RILPL2: variants seen among roughly 807,000 people sequenced by gnomAD.
RILPL2 encodes RILP-like protein 2.
RILPL2 carries 19 observed loss-of-function variants against 22.2 expected under a neutral mutation model. That is an observed-to-expected ratio of 0.86 (90% CI 0.60 to 1.25). The LOEUF (loss-of-function observed/expected upper bound fraction) is 1.25, where lower values mean the gene tolerates loss of function less well. Ranked by LOEUF, RILPL2 falls within the 50% of genes most tolerant of loss-of-function variation. The pLI, the probability that RILPL2 is intolerant of heterozygous loss-of-function variation, is 0.00. For missense variants in RILPL2, 243 were observed against 263.6 expected (o/e 0.92, Z 0.54); for synonymous variants, 123 against 111.6 (o/e 1.10, Z -0.64).
Position 123,415,672 on chromosome 12 carries a change from C to A in RILPL2, c.*219G>T. Reference sequence around the variant, plus strand: ...CCCTTCTGTTTTTCTTGATTTCAGTCTCACTGGCCCAGGCCAAATCTTCAA... The same window carrying A: ...CCCTTCTGTTTTTCTTGATTTCAGTATCACTGGCCCAGGCCAAATCTTCAA... On this transcript the variant is annotated 3_prime_UTR_variant, in exon 4 of 4. Transcript: ENST00000280571. 3.0e-6 allele frequency: 2 copies of A among 656,510 alleles called. No individual in the cohort carries two copies. Among genetic ancestry groups the A allele is most frequent in the Admixed American group, 2.5e-5 (1 of 39,970 alleles). 40.7% of individuals were successfully genotyped at this position (656,510 alleles called of 1,614,324 possible).
chr12:123,425,568 T>A (rs1879422024), intron 2 of RILPL2, among the ~76,000 whole-genome samples: 2 of 152,148 alleles, frequency 1.3e-5, no homozygotes, highest in Admixed American at 1.3e-4. Flanking sequence ...GATACCTCTT[T>A]CAGTGTGAGT....
chr12:123,420,897 C>G (rs1879264587), intron 3 of RILPL2, among the ~76,000 whole-genome samples: 1 of 152,186 alleles, frequency 6.6e-6, no homozygotes, highest in Non-Finnish European at 1.5e-5. Flanking sequence ...TCCACCACCA[C>G]TGACCCGCTG....
At chr12:123,435,589 G>T (rs1206936261) in intron 1 of RILPL2, among the ~76,000 whole-genome samples, 2 of 151,944 alleles carry the variant, frequency 1.3e-5, no homozygotes, top group Non-Finnish European at 2.9e-5. Context: ...CATCAAAAAA[G>T]TTAGCCAGGC....
At chr12:123,410,300 T>A (rs1593483007), downstream of RILPL2, among the ~76,000 whole-genome samples, 3 of 152,162 alleles carry the variant, frequency 2.0e-5, no homozygotes, top group South Asian at 6.2e-4. Context: ...GGGCTGGAAG[T>A]CCCTATTACC....
In RILPL2 at chr12:123,430,674, G is replaced by C. The variant is rs139329555; in HGVS notation, c.340-15C>G. On this transcript the variant is annotated splice_polypyrimidine_tract_variant and intron_variant, in intron 1 of 3. Transcript: ENST00000280571. ...CCCAGGTTCACCTGGAAGAAAAGAC[G>C]CAACCTTTGCAAGCAACTCTATATA... 412 of 1,555,842 alleles carry C rather than the reference G, an allele frequency of 2.6e-4. 1 individual carries two copies. In the African/African-American group the frequency reaches 5.1e-3, roughly 19 times the overall value.
chr12:123,421,957 C>T (rs547155597), intron 3 of RILPL2, among the ~76,000 whole-genome samples: 5 of 151,272 alleles, frequency 3.3e-5, no homozygotes, highest in Admixed American at 6.6e-5. Flanking sequence ...AGTAAGCCAC[C>T]GTGCCTGGTC....
chr12:123,424,190 C>G (rs1879369405), intron 2 of RILPL2, among the ~76,000 whole-genome samples: 1 of 152,122 alleles, frequency 6.6e-6, no homozygotes, highest in African/African-American at 2.4e-5. Context: ...TATTTTGTCT[C>G]TGAACTGTTT....
intron 3 of RILPL2, among the ~76,000 whole-genome samples, chr12:123,418,503 A>G (rs1306374956): frequency 6.6e-6 from 1 of 152,148 alleles, no homozygotes; most frequent in Non-Finnish European, 1.5e-5. Flanking sequence ...CTAGAATGTA[A>G]GGTCCACGAG....
chr12:123,436,357 C>G lies in RILPL2; in HGVS notation c.64G>C (p.Glu22Gln). The G allele has an allele frequency of 6.4e-7, 1 of 1,557,098 alleles. No homozygotes were observed. The highest frequency in any genetic ancestry group is 1.2e-5 in the South Asian group (1 of 84,652). The stretch of plus-strand genomic sequence containing the variant: ...CCCAGCGCCCCCTCGGGCCCAACCT[C>G]GTCCCTCTCCTCGTCCTCCTCTCCC... The part of the protein sequence containing the change: ...EEGEEDEERD[E>Q]VGPEGALGKS... The change falls in exon 1 of 4, where the codon GAG becomes CAG. Residue 22 changes from glutamate to glutamine, a missense_variant. By Grantham distance (29) the Glu-to-Gln change is conservative. Transcript: ENST00000280571. This position sits in a 1 kb window ranked among gnomAD's most constrained non-coding sequence, Gnocchi z 6.7.
intron 1 of RILPL2, among the ~76,000 whole-genome samples, chr12:123,434,426 C>CTT (rs745940516): frequency 7.1e-6 from 1 of 141,310 alleles, no homozygotes; most frequent in Non-Finnish European, 1.6e-5. Flanking sequence ...GCAAAAAAGA[C>CTT]TTTTTTTTTT....
At position 123,415,908 on chromosome 12, in the gene RILPL2, A is replaced by G. The variant is rs919451604; in HGVS notation, c.619T>C (p.Ser207Pro). Residue 207 changes from serine (S) to proline (P), a missense_variant, in exon 4 of 4, where the codon TCG (serine) becomes CCG (proline). Physicochemically the swap from Ser to Pro is moderately conservative, Grantham distance 74. Coordinates refer to ENST00000280571, the MANE Select transcript of RILPL2 (RefSeq NM_145058.3). ...TIIKKLFFFR[S>P]GKQT ...CCTTGGATCTAGGTCTGTTTCCCCGATCGAAAAAAGAACCTGGTGTGGAGA... is the reference window on the plus strand; with the variant it reads ...CCTTGGATCTAGGTCTGTTTCCCCGGTCGAAAAAAGAACCTGGTGTGGAGA... 5.0e-6 allele frequency: 8 copies of G among 1,614,022 alleles called. No homozygotes were observed. The highest frequency in any genetic ancestry group is 1.3e-5 in the African/African-American group (1 of 74,922).
chr12:123,436,561 G>T lies in RILPL2; in HGVS notation c.-141C>A, dbSNP rs1174546675. On this transcript the variant is annotated 5_prime_UTR_variant, in exon 1 of 4. Coordinates refer to ENST00000280571, the MANE Select transcript of RILPL2 (RefSeq NM_145058.3). The surrounding 1 kb of genome is among the most constrained non-coding windows in gnomAD (Gnocchi z 6.7). Reference sequence around the variant, plus strand: ...CGCGGCCCGGGGGTGGGCCCGGGGGGATGGTGCAAGGGGCCGCGCACGCGA... The same window carrying T: ...CGCGGCCCGGGGGTGGGCCCGGGGGTATGGTGCAAGGGGCCGCGCACGCGA... 2 of 1,354,438 alleles carry T rather than the reference G, an allele frequency of 1.5e-6. No homozygotes were observed. Among genetic ancestry groups the T allele is most frequent in the East Asian group, 2.5e-5 (1 of 39,656 alleles). 83.9% of individuals were successfully genotyped at this position (1,354,438 alleles called of 1,614,324 possible).
chr12:123,430,424 A>G, intron 2 of RILPL2, 84 bp downstream of exon 2: 2 of 1,402,764 alleles, frequency 1.4e-6, no homozygotes, highest in Non-Finnish European at 1.9e-6. Context: ...AACAAAAACA[A>G]AACAAAACAA....
In RILPL2 at chr12:123,415,396, T is replaced by C. The variant is rs1026642453; in HGVS notation, c.*495A>G. The C allele has an allele frequency of 5.9e-6, 1 of 168,966 alleles. No homozygotes were observed. Among genetic ancestry groups the C allele is most frequent in the Non-Finnish European group, 1.3e-5 (1 of 77,350 alleles). 10.5% of individuals were successfully genotyped at this position (168,966 alleles called of 1,614,324 possible). ...CACTCTAGATAAGCTATAGAAAGTA[T>C]AAAAATCATTTTACTTTAATACAAA... On this transcript the variant is annotated 3_prime_UTR_variant, in exon 4 of 4. Coordinates refer to ENST00000280571, the MANE Select transcript of RILPL2 (RefSeq NM_145058.3).
chr12:123,430,483 G>A, intron 2 of RILPL2, 25 bp downstream of exon 2: 9 of 1,590,656 alleles, frequency 5.7e-6, no homozygotes, highest in Non-Finnish European at 7.7e-6. Context: ...TCTGGGTGCA[G>A]GACCCTCCAG....
chr12:123,432,175 G>A (rs569410826), intron 1 of RILPL2, among the ~76,000 whole-genome samples: 31 of 152,214 alleles, frequency 2.0e-4, no homozygotes, highest in African/African-American at 7.2e-4. Context: ...GGGATTACAG[G>A]CATAAGCCAC....
chr12:123,427,234 T>G (rs891391220), intron 2 of RILPL2, among the ~76,000 whole-genome samples: 2 of 152,248 alleles, frequency 1.3e-5, no homozygotes, highest in African/African-American at 4.8e-5. Flanking sequence ...CTGGTTCTCC[T>G]TCACATGACC....
intron 1 of RILPL2, among the ~76,000 whole-genome samples, chr12:123,435,731 C>T (rs552183053): frequency 1.3e-5 from 2 of 152,152 alleles, no homozygotes; most frequent in South Asian, 2.1e-4. Context: ...AGAGCAGGAC[C>T]CTGTGTCAAA....
At chr12:123,420,438 C>T (rs1328388134) in intron 3 of RILPL2, among the ~76,000 whole-genome samples, 3 of 149,700 alleles carry the variant, frequency 2.0e-5, no homozygotes, top group Non-Finnish European at 3.0e-5. Context: ...TGTGCCCGGC[C>T]TATTTTTATT....
Sources: gnomAD v4.1 joint callset for allele counts (sites outside exome capture counted in the v4.1 genomes callset) on GRCh38, gnomAD v4.1.1 for gene constraint, Gnocchi (gnomAD v3.1) non-coding constraint, MANE v1.5 for transcripts, NCBI Gene and HGNC (gene_info 2026-07-23, HGNC 2026-07-21) for gene names.